The following MYO6 variants were observed in gnomAD, a reference collection of about 807,000 sequenced individuals.
MYO6 encodes myosin VI.
Under a neutral mutation model 178.7 loss-of-function variants are expected in MYO6, and 74 were observed. That is an observed-to-expected ratio of 0.41 (90% CI 0.34 to 0.50). The LOEUF is 0.50. Among genes scored for constraint, MYO6 ranks in the 20% least tolerant of loss-of-function variants. The pLI, the probability that MYO6 is intolerant of heterozygous loss-of-function variation, is 0.09. For missense variants in MYO6, 1,330 were observed against 1,547.4 expected (o/e 0.86, Z 2.36); for synonymous variants, 477 against 504.6 (o/e 0.95, Z 0.73).
chr6:75,879,214 A>C (rs1777812301), intron 20 of MYO6, among the ~76,000 whole-genome samples: 1 of 152,052 alleles, frequency 6.6e-6, no homozygotes. Context: ...AACAGAAAAA[A>C]AGATACAAAC....
At position 75,830,545 on chromosome 6, in the gene MYO6, G is replaced by C. The variant is rs751149495; in HGVS notation, c.391G>C (p.Ala131Pro). The C allele has an allele frequency of 6.2e-7, 1 of 1,610,154 alleles. No homozygotes were observed. Among genetic ancestry groups the C allele is most frequent in the South Asian group, 1.1e-5 (1 of 90,864 alleles). ...GTRPPHVFAI[A>P]DKAFRDMKVL... The stretch of plus-strand genomic sequence containing the variant: ...AAGACCACCTCATGTCTTTGCAATT[G>C]GTAAGTGATTTTAAATGTATTTTAA... Residue 131 changes from alanine (A) to proline (P), a missense_variant and splice_region_variant, in exon 5 of 35, where the codon GCT becomes CCT. Ala to Pro is a conservative substitution (Grantham distance 27). This residue lies in a region of MYO6 where 613 missense variants were observed against 816.8 expected (regional missense o/e 0.75). Transcript: ENST00000369977.
intron 1 of MYO6, among the ~76,000 whole-genome samples, chr6:75,753,678 G>T (rs989920328): frequency 6.6e-6 from 1 of 151,902 alleles, no homozygotes; most frequent in Non-Finnish European, 1.5e-5. Context: ...GCCCAGGCTG[G>T]TCTTGAACTC....
chr6:75,899,714 T>TG (rs1779584933), intron 30 of MYO6, among the ~76,000 whole-genome samples: 2 of 151,788 alleles, frequency 1.3e-5, no homozygotes, highest in African/African-American at 4.8e-5. Context: ...TTTTTTTTTT[T>TG]TTTCTTCTGG....
In MYO6 at chr6:75,892,682, G is replaced by A. The variant is rs374917329; in HGVS notation, c.3099G>A (p.Ala1033=). ...LISDEAQADL[A]LRRNDGTRPK... ...GTGATGAGGCCCAGGCCGACCTGGC[G>A]CTGCGGAGGTACTGGGGCCCCTGGG... Residue 1033 remains alanine, a synonymous_variant, in exon 28 of 35, where the codon GCG becomes GCA. Coordinates refer to ENST00000369977, the MANE Select transcript of MYO6 (RefSeq NM_004999.4). The A allele has an allele frequency of 5.0e-6, 8 of 1,612,286 alleles. No individual in the cohort carries two copies. The highest frequency in any genetic ancestry group is 5.9e-6 in the Non-Finnish European group (7 of 1,179,972).
At chr6:75,799,824 G>T (rs1769259295) in intron 1 of MYO6, among the ~76,000 whole-genome samples, 1 of 152,088 alleles carries the variant, frequency 6.6e-6, no homozygotes, top group East Asian at 1.9e-4. Flanking sequence ...AGTGCTTTGG[G>T]ATAGAAGCAT....
chr6:75,894,964 C>A (rs1041147653), intron 28 of MYO6: 2 of 725,836 alleles, frequency 2.8e-6, no homozygotes, highest in African/African-American at 1.8e-5. Context: ...TATCCAGATT[C>A]TATTAAAAAC....
At chr6:75,776,991 A>G (rs1431181777) in intron 1 of MYO6, among the ~76,000 whole-genome samples, 2 of 152,228 alleles carry the variant, frequency 1.3e-5, no homozygotes, top group African/African-American at 4.8e-5. Flanking sequence ...AGTTTACGAA[A>G]CCATTTTTTT....
intron 2 of MYO6, 130 bp from the exon 3 acceptor site, chr6:75,822,652 T>C: frequency 1.4e-6 from 1 of 694,130 alleles, no homozygotes; most frequent in Non-Finnish European, 2.6e-6. Flanking sequence ...TTAAATAGTA[T>C]TATCTGTATT....
chr6:75,848,635 T>C, intron 11 of MYO6, 104 bp downstream of exon 11: 1 of 1,140,052 alleles, frequency 8.8e-7, no homozygotes, highest in East Asian at 2.6e-5. Context: ...TTAAAAACTT[T>C]AAGAAATATC....
intron 33 of MYO6, 51 bp downstream of exon 33, chr6:75,911,749 A>G: frequency 6.5e-7 from 1 of 1,550,292 alleles, no homozygotes; most frequent in Non-Finnish European, 8.9e-7. Context: ...GGGTTAAAAT[A>G]CTTTACAAAG....
chr6:75,817,960 A>T (rs889181736), intron 2 of MYO6, among the ~76,000 whole-genome samples: 2 of 152,200 alleles, frequency 1.3e-5, no homozygotes, highest in Non-Finnish European at 2.9e-5. Flanking sequence ...TAGCTGTATG[A>T]TAAAATCTAA....
In MYO6 at chr6:75,914,993, T is replaced by C; in HGVS notation, c.3839T>C (p.Leu1280Pro). Residue 1280 changes from leucine (L) to proline (P), a missense_variant, in exon 35 of 35, where the codon CTG becomes CCG. Physicochemically the swap from Leu to Pro is moderately conservative, Grantham distance 98. Around this residue, in one of 3 missense-constraint regions of MYO6, gnomAD observed 601 missense variants for 626.1 expected, o/e 0.96. Coordinates refer to ENST00000369977, the MANE Select transcript of MYO6 (RefSeq NM_004999.4). The part of the protein sequence containing the change: ...QARPTYATAM[L>P]QSLLK ...CGGCCCACCTATGCAACAGCCATGC[T>C]GCAGAGTCTGTTAAAGTAGATGTTG... 1 of 1,613,144 alleles carries C rather than the reference T, an allele frequency of 6.2e-7. No individual in the cohort carries two copies. The highest frequency in any genetic ancestry group is 1.7e-5 in the Admixed American group (1 of 59,956).
intron 30 of MYO6, among the ~76,000 whole-genome samples, chr6:75,903,336 T>C (rs370062986): frequency 1.3e-5 from 2 of 152,038 alleles, no homozygotes. Context: ...TGTTAAAGTC[T>C]CCCATTATTA....
At chr6:75,867,765 GT>G (rs1270717504) in intron 18 of MYO6, among the ~76,000 whole-genome samples, 1 of 152,100 alleles carries the variant, frequency 6.6e-6, no homozygotes, top group East Asian at 1.9e-4. Flanking sequence ...TATTTCATTT[GT>G]TTTATTAATT....
chr6:75,861,192 T>C lies in MYO6; in HGVS notation c.1546+97T>C, dbSNP rs1046944859. 1.1e-5 allele frequency: 11 copies of C among 991,104 alleles called. No homozygotes were observed. In the East Asian group the frequency reaches 2.2e-4, roughly 20 times the overall value. The allele number at this position is 991,104 out of a possible 1,614,324, so 61.4% of individuals were successfully genotyped here. A position where few individuals can be genotyped will look rare whatever the true frequency, so the allele number is the denominator to read the frequency against. ...GCTTTTTAATTGACATTACTTGTTATATGACTTGAAACTGGTATTTGAGAG... is the reference window on the plus strand; with the variant it reads ...GCTTTTTAATTGACATTACTTGTTACATGACTTGAAACTGGTATTTGAGAG... On this transcript the variant is annotated intron_variant, in intron 15 of 34. Transcript: ENST00000369977.
In MYO6 at chr6:75,881,761, T is replaced by G; in HGVS notation, c.2359T>G (p.Trp787Gly). Residue 787 changes from tryptophan to glycine, a missense_variant, in exon 23 of 35, where the codon TGG becomes GGG. Trp to Gly is a radical substitution (Grantham distance 184). Transcript: ENST00000369977. ...LAELVKRVNH[W>G]LTCSRWKKVQ... ...AGAGTTGGTTAAAAGAGTCAATCAC[T>G]GGCTCACATGCAGTCGCTGGAAGAA... is the stretch of plus-strand genomic sequence containing the variant. The G allele has an allele frequency of 6.2e-7, 1 of 1,614,080 alleles. No individual in the cohort carries two copies. Among genetic ancestry groups the G allele is most frequent in the South Asian group, 1.1e-5 (1 of 91,084 alleles).
intron 14 of MYO6, 94 bp downstream of exon 14, chr6:75,859,087 T>G: frequency 1.2e-6 from 1 of 862,602 alleles, no homozygotes; most frequent in Non-Finnish European, 1.9e-6. Context: ...TTGGTGTGGA[T>G]GGATGGTGTA....
At chr6:75,777,506 C>A (rs1291171502) in intron 1 of MYO6, among the ~76,000 whole-genome samples, 2 of 151,884 alleles carry the variant, frequency 1.3e-5, no homozygotes, top group Admixed American at 6.6e-5. Context: ...CAGTTCACTG[C>A]AACTTTGACT....
At chr6:75,798,275 C>T (rs1423503383) in intron 1 of MYO6, among the ~76,000 whole-genome samples, 2 of 152,016 alleles carry the variant, frequency 1.3e-5, no homozygotes, top group Non-Finnish European at 2.9e-5. Context: ...TTGACTTTGT[C>T]AAAAATCAGA....
Sources: allele counts gnomAD v4.1 joint callset (sites outside exome capture counted in the v4.1 genomes callset), GRCh38; gene constraint gnomAD v4.1.1; regional missense constraint gnomAD v4.1.1; transcripts MANE v1.5; gene names NCBI Gene and HGNC (gene_info 2026-07-23, HGNC 2026-07-21).